KCNC2: variants seen among roughly 807,000 people sequenced by gnomAD.
The protein encoded by KCNC2 is voltage-gated potassium channel KCNC2.
KCNC2 carries 21 observed loss-of-function variants against 44.5 expected under a neutral mutation model. The observed-to-expected ratio is 0.47, with a 90% CI of 0.33 to 0.68. The LOEUF is 0.68. Among genes scored for constraint, KCNC2 ranks in the 30% least tolerant of loss-of-function variants. KCNC2 has a pLI of 0.01. For missense variants in KCNC2, 589 were observed against 826.2 expected (o/e 0.71, Z 3.52); for synonymous variants, 391 against 339.1 (o/e 1.15, Z -1.68).
chr12:75,065,794 G>T (rs984004554), intron 2 of KCNC2, among the ~76,000 whole-genome samples: 6 of 152,060 alleles, frequency 3.9e-5, no homozygotes, highest in Non-Finnish European at 7.4e-5. Context: ...TATCCCTGTT[G>T]TTAAGCAATA....
At position 75,041,918 on chromosome 12, in the gene KCNC2, C is replaced by T; in HGVS notation, c.*1187G>A. On this transcript the variant is annotated 3_prime_UTR_variant, in exon 5 of 5. Transcript: ENST00000549446. ...TCATAAACATCTTACAGAGGCATTTCTGTGCTTCATGGAGACAGATGGCAT... is the reference window on the plus strand; with the variant it reads ...TCATAAACATCTTACAGAGGCATTTTTGTGCTTCATGGAGACAGATGGCAT... 1.0e-6 allele frequency: 1 copy of T among 996,334 alleles called. No homozygotes were observed. The allele number at this position is 996,334 out of a possible 1,614,324, so 61.7% of individuals were successfully genotyped here.
intron 2 of KCNC2, among the ~76,000 whole-genome samples, chr12:75,166,529 TGAAACCTTCTCCA>T (rs1311468987): frequency 6.6e-6 from 1 of 150,938 alleles, no homozygotes; most frequent in Non-Finnish European, 1.5e-5. Flanking sequence ...CAAATGCACA[TGAAACCTTCTCCA>T]GGTTATATCA....
At chr12:75,112,220 T>C (rs1258591440) in intron 2 of KCNC2, among the ~76,000 whole-genome samples, 1 of 151,972 alleles carries the variant, frequency 6.6e-6, no homozygotes. Flanking sequence ...TACTCTATGC[T>C]TATGAAACAT....
chr12:75,126,633 GAAC>G (rs892820173), intron 2 of KCNC2, among the ~76,000 whole-genome samples: 7 of 152,018 alleles, frequency 4.6e-5, no homozygotes, highest in African/African-American at 1.4e-4. Context: ...GACGTGGAAG[GAAC>G]AACAAGACAT....
chr12:75,154,403 G>A (rs1012307660), intron 2 of KCNC2, among the ~76,000 whole-genome samples: 2 of 152,010 alleles, frequency 1.3e-5, no homozygotes, highest in African/African-American at 4.8e-5. Flanking sequence ...CTCCTTTCCA[G>A]GGATCATCAC....
At chr12:75,166,062 A>C (rs906548651) in intron 2 of KCNC2, among the ~76,000 whole-genome samples, 5 of 151,408 alleles carry the variant, frequency 3.3e-5, no homozygotes, top group African/African-American at 1.2e-4. Context: ...AATGGAAAAA[A>C]TATATACCAC....
At chr12:75,152,893 T>C (rs982561660) in intron 2 of KCNC2, among the ~76,000 whole-genome samples, 4 of 151,896 alleles carry the variant, frequency 2.6e-5, no homozygotes, top group Admixed American at 1.3e-4. Context: ...ACAGTTGTAG[T>C]ACACACAACA....
At chr12:75,149,956 C>T (rs1159364681) in intron 2 of KCNC2, among the ~76,000 whole-genome samples, 5 of 151,718 alleles carry the variant, frequency 3.3e-5, no homozygotes, top group Admixed American at 3.3e-4. Context: ...TTTGAACATG[C>T]TTAGGTTAGG....
chr12:75,059,733 T>A (rs561507294), intron 2 of KCNC2, among the ~76,000 whole-genome samples: 6 of 152,144 alleles, frequency 3.9e-5, no homozygotes, highest in Non-Finnish European at 8.8e-5. Context: ...TACAATTGGC[T>A]GCTTTACTAG....
In KCNC2 at chr12:75,042,605, C is replaced by T. The variant is rs1880036561; in HGVS notation, c.*500G>A. ...TGCAAGTACACATATCCTGAGCTAT[C>T]CACAGTCCCCGAACTCTGCAACATT... On this transcript the variant is annotated 3_prime_UTR_variant, in exon 5 of 5. Coordinates refer to ENST00000549446, the MANE Select transcript of KCNC2 (RefSeq NM_139137.4). 1 of 1,318,672 alleles carries T rather than the reference C, an allele frequency of 7.6e-7. No individual in the cohort carries two copies. Among genetic ancestry groups the T allele is most frequent in the African/African-American group, 1.5e-5 (1 of 66,226 alleles). 81.7% of individuals were successfully genotyped at this position (1,318,672 alleles called of 1,614,324 possible). A position where few individuals can be genotyped will look rare whatever the true frequency, so the allele number is the denominator to read the frequency against.
chr12:75,151,745 T>A (rs1890408968), intron 2 of KCNC2, among the ~76,000 whole-genome samples: 1 of 151,200 alleles, frequency 6.6e-6, no homozygotes, highest in Admixed American at 6.6e-5. Flanking sequence ...TCAACCAGAT[T>A]TGAAAAAGAA....
intron 2 of KCNC2, among the ~76,000 whole-genome samples, chr12:75,206,850 C>A (rs1336633158): frequency 1.3e-5 from 2 of 152,148 alleles, no homozygotes; most frequent in African/African-American, 4.8e-5. Context: ...ATTGGAGCCA[C>A]GGCTCTGGGT....
chr12:75,174,525 T>C (rs1307528006), intron 2 of KCNC2, among the ~76,000 whole-genome samples: 1 of 151,944 alleles, frequency 6.6e-6, no homozygotes, highest in African/African-American at 2.4e-5. Context: ...GTTGCAGTCA[T>C]ATTATATAGT....
intron 2 of KCNC2, among the ~76,000 whole-genome samples, chr12:75,113,680 A>G (rs1311492007): frequency 1.3e-5 from 2 of 152,170 alleles, no homozygotes; most frequent in Non-Finnish European, 2.9e-5. Flanking sequence ...ACTATAAGAA[A>G]CTGTCAATTA....
chr12:75,109,176 A>T (rs2137225558), intron 2 of KCNC2, among the ~76,000 whole-genome samples: 2 of 152,284 alleles, frequency 1.3e-5, no homozygotes. Context: ...TTACATAGGA[A>T]ATCCCAGAAA....
intron 2 of KCNC2, among the ~76,000 whole-genome samples, chr12:75,109,907 T>G (rs1887088903): frequency 1.3e-5 from 2 of 152,012 alleles, no homozygotes; most frequent in Non-Finnish European, 2.9e-5. Flanking sequence ...TTTTTTTAAA[T>G]TGGTAGAGGA....
intron 2 of KCNC2, among the ~76,000 whole-genome samples, chr12:75,107,903 C>T (rs1002301969): frequency 6.6e-6 from 1 of 152,096 alleles, no homozygotes; most frequent in Non-Finnish European, 1.5e-5. Context: ...CCTGCATATA[C>T]ATCTAATTTA....
intron 2 of KCNC2, among the ~76,000 whole-genome samples, chr12:75,067,276 T>C (rs1882927611): frequency 6.6e-6 from 1 of 152,198 alleles, no homozygotes; most frequent in Non-Finnish European, 1.5e-5. Flanking sequence ...TGTTTAGAGT[T>C]GCCTTTATAG....
intron 2 of KCNC2, among the ~76,000 whole-genome samples, chr12:75,187,606 T>A (rs1157206325): frequency 1.3e-5 from 2 of 151,948 alleles, no homozygotes; most frequent in African/African-American, 4.8e-5. Flanking sequence ...CCAAAGAGAG[T>A]GATTGTAGGA....
Sources: allele counts gnomAD v4.1 joint callset (sites outside exome capture counted in the v4.1 genomes callset), GRCh38; gene constraint gnomAD v4.1.1; transcripts MANE v1.5; gene names NCBI Gene and HGNC (gene_info 2026-07-23, HGNC 2026-07-21).